The following SLC66A2 variants were observed in gnomAD, a reference collection of about 807,000 sequenced individuals.
SLC66A2 encodes PQ loop repeat containing 1.
In SLC66A2, 23 loss-of-function variants were observed where a neutral mutation model predicts 25.5. The observed-to-expected ratio is 0.90, with a 90% confidence interval of 0.65 to 1.28. The LOEUF is 1.28. Ranked by LOEUF, SLC66A2 falls within the 50% of genes most tolerant of loss-of-function variation. SLC66A2 has a pLI of 0.00. For synonymous variants in SLC66A2, 193 were observed against 166.5 expected (o/e 1.16, Z -1.23); for missense variants, 396 against 373.1 (o/e 1.06, Z -0.51).
intron 3 of SLC66A2, among the ~76,000 whole-genome samples, chr18:79,936,847 G>A (rs1277158336): frequency 1.3e-5 from 2 of 152,174 alleles, no homozygotes; most frequent in Non-Finnish European, 2.9e-5. Flanking sequence ...GCAATCCTGA[G>A]CATATAAACC....
At chr18:79,906,731 T>C (rs886178149) in intron 5 of SLC66A2, among the ~76,000 whole-genome samples, 1 of 152,214 alleles carries the variant, frequency 6.6e-6, no homozygotes, top group Non-Finnish European at 1.5e-5. Context: ...CCTTGCTAAC[T>C]TTGTCTGCTT....
chr18:79,950,222 G>T (rs962714608), intron 2 of SLC66A2, among the ~76,000 whole-genome samples: 2 of 152,168 alleles, frequency 1.3e-5, no homozygotes, highest in Admixed American at 1.3e-4. Context: ...TTAGCCGGGT[G>T]TGGTGGTGCG....
chr18:79,925,216 C>CT (rs1330280631), intron 4 of SLC66A2, among the ~76,000 whole-genome samples: 1 of 152,142 alleles, frequency 6.6e-6, no homozygotes, highest in East Asian at 1.9e-4. Flanking sequence ...GGGCACCCCC[C>CT]TTTCCAAAGC....
intron 3 of SLC66A2, among the ~76,000 whole-genome samples, chr18:79,936,433 G>A (rs1173375356): frequency 6.6e-6 from 1 of 152,154 alleles, no homozygotes; most frequent in Non-Finnish European, 1.5e-5. Flanking sequence ...CAATTCAATG[G>A]TTTTTAGGAT....
intron 3 of SLC66A2, among the ~76,000 whole-genome samples, chr18:79,934,509 C>T (rs537554999): frequency 6.6e-6 from 1 of 152,320 alleles, no homozygotes; most frequent in African/African-American, 2.4e-5. Flanking sequence ...TGTAAAAGGA[C>T]AGCTGGTTCC....
At chr18:79,939,861 G>A (rs1422716185) in intron 3 of SLC66A2, among the ~76,000 whole-genome samples, 3 of 152,166 alleles carry the variant, frequency 2.0e-5, no homozygotes, top group Non-Finnish European at 2.9e-5. Context: ...AACAATCCCG[G>A]TACTGGGTAT....
chr18:79,918,234 C>T lies in SLC66A2; in HGVS notation c.608+950G>A, dbSNP rs1465260443. ...GCCCCTGGGCACCCGTTCTCCAACA[C>T]AAAAACGCGTCAGCCCCTCTCTTCC... On this transcript the variant is annotated intron_variant, in intron 5 of 5. Transcript: ENST00000397778. The surrounding 1 kb of genome is among the most constrained non-coding windows in gnomAD (Gnocchi z 4.0). Among the ~76,000 whole-genome samples the T allele has an allele frequency of 2.0e-5, 3 of 152,224 alleles. No homozygotes were observed. The highest frequency in any genetic ancestry group is 4.4e-5 in the Non-Finnish European group (3 of 68,038).
rs576853990 is a variant in SLC66A2 at position 79,933,375 on chromosome 18, A to G, written c.391+594T>C. Among the ~76,000 whole-genome samples, 6 of 152,362 alleles carry G rather than the reference A, an allele frequency of 3.9e-5. No homozygotes were observed. In the South Asian group the frequency reaches 1.2e-3, roughly 32 times the overall value. ...GAATGCTTTCTCACTAAAATGAAGA[A>G]TAAGATAGGTGCATCCACTCTCACC... On this transcript the variant is annotated intron_variant, in intron 4 of 5. Coordinates refer to ENST00000397778, the MANE Select transcript of SLC66A2 (RefSeq NM_025078.5).
rs773837617 is a variant in SLC66A2 at position 79,940,183 on chromosome 18, G to A, written c.337+3146C>T. Among the ~76,000 whole-genome samples the A allele has an allele frequency of 1.3e-5, 2 of 152,180 alleles. No homozygotes were observed. Among genetic ancestry groups the A allele is most frequent in the African/African-American group, 4.8e-5 (2 of 41,436 alleles). ...CGTGTAAGTGGGAGCTAAATGATGA[G>A]AACACATGGACACACAGAGGGGAAC... is the stretch of plus-strand genomic sequence containing the variant. On this transcript the variant is annotated intron_variant, in intron 3 of 5. Coordinates refer to ENST00000397778, the MANE Select transcript of SLC66A2 (RefSeq NM_025078.5). This position sits in a 1 kb window ranked among gnomAD's most constrained non-coding sequence, Gnocchi z 4.1.
At chr18:79,907,239 C>T (rs935998762) in intron 5 of SLC66A2, among the ~76,000 whole-genome samples, 2 of 150,816 alleles carry the variant, frequency 1.3e-5, no homozygotes, top group South Asian at 2.1e-4. Flanking sequence ...CTTGTCCCTA[C>T]GGTTTTATTC....
At chr18:79,934,651 G>A (rs1986902915) in intron 3 of SLC66A2, among the ~76,000 whole-genome samples, 1 of 152,206 alleles carries the variant, frequency 6.6e-6, no homozygotes, top group Admixed American at 6.5e-5. Context: ...CGCAGCCCCA[G>A]GACAAGACAG....
intron 3 of SLC66A2, among the ~76,000 whole-genome samples, chr18:79,936,071 G>A (rs1354915029): frequency 6.6e-6 from 1 of 152,246 alleles, no homozygotes; most frequent in Non-Finnish European, 1.5e-5. Flanking sequence ...GGGCCACAGA[G>A]GCCATCACCT....
chr18:79,936,032 C>T (rs1987049883), intron 3 of SLC66A2, among the ~76,000 whole-genome samples: 1 of 152,230 alleles, frequency 6.6e-6, no homozygotes, highest in African/African-American at 2.4e-5. Flanking sequence ...AGTTATGGTT[C>T]CACATGGCCA....
intron 5 of SLC66A2, among the ~76,000 whole-genome samples, chr18:79,908,565 T>C (rs981334070): frequency 6.6e-6 from 1 of 152,232 alleles, no homozygotes; most frequent in African/African-American, 2.4e-5. Context: ...TCACCAAATT[T>C]TGGGTGTTTT....
chr18:79,918,246 A>C lies in SLC66A2; in HGVS notation c.608+938T>G, dbSNP rs1021280403. Reference sequence around the variant, plus strand: ...CCGTTCTCCAACACAAAAACGCGTCAGCCCCTCTCTTCCAGGCTGTTTCCC... The same window carrying C: ...CCGTTCTCCAACACAAAAACGCGTCCGCCCCTCTCTTCCAGGCTGTTTCCC... On this transcript the variant is annotated intron_variant, in intron 5 of 5. Transcript: ENST00000397778. The surrounding 1 kb of genome is among the most constrained non-coding windows in gnomAD (Gnocchi z 4.0). Among the ~76,000 whole-genome samples, 1 of 152,226 alleles carries C rather than the reference A, an allele frequency of 6.6e-6. No homozygotes were observed. The highest frequency in any genetic ancestry group is 1.5e-5 in the Non-Finnish European group (1 of 68,028).
chr18:79,910,073 C>T (rs1982824409), intron 5 of SLC66A2, among the ~76,000 whole-genome samples: 1 of 141,904 alleles, frequency 7.0e-6, no homozygotes, highest in Non-Finnish European at 1.5e-5. Flanking sequence ...GCCTTCCCCA[C>T]CATCTCACCA....
chr18:79,913,574 C>T (rs1208293354), intron 5 of SLC66A2, among the ~76,000 whole-genome samples: 2 of 152,254 alleles, frequency 1.3e-5, no homozygotes, highest in East Asian at 1.9e-4. Flanking sequence ...AGGTGGAAAC[C>T]GTGTGTGCAT....
At position 79,906,184 on chromosome 18, in the gene SLC66A2, C is replaced by T. The variant is rs146056489; in HGVS notation, c.609-2001G>A. On this transcript the variant is annotated intron_variant, in intron 5 of 5. Coordinates refer to ENST00000397778, the MANE Select transcript of SLC66A2 (RefSeq NM_025078.5). ...TGGTTTATCAGTTAATGATTTGTTC[C>T]AAAGAACCAGCTTTCAGTTTGGTTT... 1.2e-4 allele frequency among the ~76,000 whole-genome samples: 19 copies of T among 152,252 alleles called. No individual in the cohort carries two copies. In the East Asian group the frequency reaches 3.7e-3, roughly 29 times the overall value.
At chr18:79,944,890 G>A (rs12959229) in intron 2 of SLC66A2, among the ~76,000 whole-genome samples, 796 of 20,354 alleles carry the variant, frequency 0.039, 12 homozygotes, top group Non-Finnish European at 0.089. Flanking sequence ...ACCCCTTATC[G>A]ACTCAGAGCA....
Sources: gnomAD v4.1 joint callset for allele counts (sites outside exome capture counted in the v4.1 genomes callset) on GRCh38, gnomAD v4.1.1 for gene constraint, Gnocchi (gnomAD v3.1) non-coding constraint, MANE v1.5 for transcripts, NCBI Gene and HGNC (gene_info 2026-07-23, HGNC 2026-07-21) for gene names.